Variants in TTC6 observed in about 807,000 individuals in gnomAD.
The protein encoded by TTC6 is tetratricopeptide repeat domain 6, also known as tetratricopeptide repeat protein 6.
Under a neutral mutation model 210.4 loss-of-function variants are expected in TTC6, and 172 were observed. The ratio of observed to expected loss-of-function variants is 0.82; its 90% CI spans 0.72 to 0.93. TTC6 has a LOEUF of 0.93. Ranked by LOEUF, TTC6 falls within the 40% of genes least tolerant of loss-of-function variation. TTC6 has a pLI of 0.00. For synonymous variants in TTC6, 804 were observed against 819.6 expected (o/e 0.98, Z 0.32); for missense variants, 2,414 against 2,318.1 (o/e 1.04, Z -0.85).
chr14:37,786,304 C>T (rs536122324), intron 14 of TTC6, among the ~76,000 whole-genome samples: 1 of 152,330 alleles, frequency 6.6e-6, no homozygotes, highest in South Asian at 2.1e-4. Flanking sequence ...GCTTTGTTTA[C>T]CTACTTAAGT....
intron 21 of TTC6, 125 bp from the exon 24 acceptor site, chr14:37,806,236 A>G (rs2096118297): frequency 2.0e-6 from 2 of 996,392 alleles, no homozygotes; most frequent in African/African-American, 3.3e-5. Flanking sequence ...GGAGAAATGT[A>G]TTTAAAATAA....
intron 1 of TTC6, among the ~76,000 whole-genome samples, chr14:37,628,436 AC>A (rs1231984998): frequency 1.3e-5 from 2 of 151,600 alleles, no homozygotes; most frequent in African/African-American, 4.9e-5. Context: ...CATATCCTTC[AC>A]CCCCTTTTTG....
intron 1 of TTC6, among the ~76,000 whole-genome samples, chr14:37,640,493 T>A (rs1228858341): frequency 3.3e-5 from 5 of 152,308 alleles, no homozygotes; most frequent in East Asian, 3.9e-4. Flanking sequence ...GAATTTTTTT[T>A]AAAATACATA....
At chr14:37,769,944 C>A (rs1320626723) in intron 14 of TTC6, among the ~76,000 whole-genome samples, 1 of 151,844 alleles carries the variant, frequency 6.6e-6, no homozygotes, top group Non-Finnish European at 1.5e-5. Flanking sequence ...GCATTTAGTG[C>A]TATAAATTTC....
chr14:37,631,871 A>G (rs1447672929), intron 1 of TTC6, among the ~76,000 whole-genome samples: 1 of 151,914 alleles, frequency 6.6e-6, no homozygotes. Context: ...TTGATCTTCA[A>G]TCTCTGATAT....
chr14:37,660,189 A>G (rs1393214142), intron 1 of TTC6, among the ~76,000 whole-genome samples: 2 of 148,388 alleles, frequency 1.3e-5, no homozygotes. Context: ...TCCTATGTCT[A>G]GGATGGTATT....
At chr14:37,759,554 G>A (rs1055347548) in intron 14 of TTC6, among the ~76,000 whole-genome samples, 1 of 152,102 alleles carries the variant, frequency 6.6e-6, no homozygotes, top group African/African-American at 2.4e-5. Context: ...GGCCTGTTTC[G>A]CTAGATTGCG....
At chr14:37,742,418 T>G (rs2095923157) in intron 10 of TTC6, among the ~76,000 whole-genome samples, 1 of 152,020 alleles carries the variant, frequency 6.6e-6, no homozygotes, top group African/African-American at 2.4e-5. Flanking sequence ...TTTTGTTTTT[T>G]TTGTTTTTGA....
At chr14:37,725,883 G>A (rs1432394119) in intron 7 of TTC6, among the ~76,000 whole-genome samples, 1 of 151,332 alleles carries the variant, frequency 6.6e-6, no homozygotes, top group Non-Finnish European at 1.5e-5. Flanking sequence ...ACCCAAATGT[G>A]GTAATCTTTT....
At chr14:37,631,052 G>A (rs1229493462) in intron 1 of TTC6, among the ~76,000 whole-genome samples, 2 of 149,862 alleles carry the variant, frequency 1.3e-5, no homozygotes, top group Non-Finnish European at 3.0e-5. Context: ...GATGGGTCTT[G>A]ACTTTTTATT....
intron 1 of TTC6, among the ~76,000 whole-genome samples, chr14:37,633,052 G>T (rs372262510): frequency 9.2e-5 from 14 of 152,298 alleles, no homozygotes; most frequent in Non-Finnish European, 1.5e-4. Flanking sequence ...ATCTTAGCTC[G>T]CTGGGCTCCG....
chr14:37,701,764 G>C (rs1290638787), intron 5 of TTC6, among the ~76,000 whole-genome samples: 1 of 152,082 alleles, frequency 6.6e-6, no homozygotes, highest in Non-Finnish European at 1.5e-5. Flanking sequence ...TATTCCCAGA[G>C]TGTTACATAC....
At chr14:37,612,439 C>T (rs1189443522) in intron 2 of TTC6, among the ~76,000 whole-genome samples, 2 of 152,168 alleles carry the variant, frequency 1.3e-5, no homozygotes, top group Non-Finnish European at 2.9e-5. Context: ...TGCAAGTCCT[C>T]TAGCCTTTTC....
At chr14:37,671,973 C>T (rs1025932336) in intron 1 of TTC6, among the ~76,000 whole-genome samples, 1 of 152,152 alleles carries the variant, frequency 6.6e-6, no homozygotes, top group Non-Finnish European at 1.5e-5. Flanking sequence ...GCTCCCCAGC[C>T]ATGCAGAACT....
chr14:37,637,303 G>T (rs2095682845), intron 1 of TTC6, among the ~76,000 whole-genome samples: 1 of 152,206 alleles, frequency 6.6e-6, no homozygotes, highest in Admixed American at 6.5e-5. Flanking sequence ...AGGACAAATT[G>T]AGACATTGGA....
chr14:37,660,564 A>G (rs2095735342), intron 1 of TTC6, among the ~76,000 whole-genome samples: 1 of 152,038 alleles, frequency 6.6e-6, no homozygotes, highest in South Asian at 2.1e-4. Context: ...GTGTATATGT[A>G]CCACATTTTC....
chr14:37,622,850 C>A (rs931216509), exon 1 of TTC6: 2 of 1,534,370 alleles, frequency 1.3e-6, no homozygotes, highest in East Asian at 4.9e-5. Flanking sequence ...CGCGGGAGGC[C>A]GCCTGGCAGG....
At chr14:37,605,129 C>A (rs2095622801) in intron 1 of TTC6, among the ~76,000 whole-genome samples, 1 of 152,122 alleles carries the variant, frequency 6.6e-6, no homozygotes, top group Non-Finnish European at 1.5e-5. Context: ...TGTGAAAAGA[C>A]CAAATCACAG....
At chr14:37,599,708 G>A (rs1293536276) in intron 1 of TTC6, among the ~76,000 whole-genome samples, 8 of 152,160 alleles carry the variant, frequency 5.3e-5, no homozygotes, top group Admixed American at 5.2e-4. Context: ...GCATTTTCAT[G>A]TATTCAAATG....
Sources: allele counts gnomAD v4.1 joint callset (sites outside exome capture counted in the v4.1 genomes callset), GRCh38; gene constraint gnomAD v4.1.1; transcripts MANE v1.5; gene names NCBI Gene and HGNC (gene_info 2026-07-23, HGNC 2026-07-21).